The following NRG1 variants were observed in gnomAD, a reference collection of about 807,000 sequenced individuals.
NRG1 encodes the protein neuregulin 1.
NRG1 carries 18 observed loss-of-function variants against 63.8 expected under a neutral mutation model. The ratio of observed to expected loss-of-function variants is 0.28; its 90% CI spans 0.19 to 0.42. The LOEUF (loss-of-function observed/expected upper bound fraction) is 0.42. Among genes scored for constraint, NRG1 ranks in the 10% least tolerant of loss-of-function variants. The pLI, the probability that NRG1 is intolerant of heterozygous loss-of-function variation, is 1.00. For synonymous variants in NRG1, 302 were observed against 301.3 expected (o/e 1.00, Z -0.02); for missense variants, 762 against 814.7 (o/e 0.94, Z 0.79).
At chr8:31,774,684 CT>C (rs1448803116) in intron 1 of NRG1, among the ~76,000 whole-genome samples, 1 of 152,104 alleles carries the variant, frequency 6.6e-6, no homozygotes, top group Non-Finnish European at 1.5e-5. Context: ...TTTGCAGAAG[CT>C]TTTTATTTAA....
chr8:31,758,406 A>T (rs1336975336), intron 1 of NRG1, among the ~76,000 whole-genome samples: 1 of 152,192 alleles, frequency 6.6e-6, no homozygotes, highest in African/African-American at 2.4e-5. Context: ...CTATAAAGAC[A>T]CATGCACATG....
chr8:32,264,596 A>G (rs1850720883), intron 1 of NRG1, among the ~76,000 whole-genome samples: 1 of 152,234 alleles, frequency 6.6e-6, no homozygotes, highest in Admixed American at 6.5e-5. Context: ...TTGTTTGTAT[A>G]GCAAAGGTCT....
At chr8:32,287,504 T>C (rs1853671619) in intron 1 of NRG1, 1 of 152,238 alleles carries the variant, frequency 6.6e-6, no homozygotes, top group Non-Finnish European at 1.5e-5. Context: ...CTCAGTCATC[T>C]TTCATGTATC....
At chr8:32,733,823 G>A (rs991836541) in intron 6 of NRG1, among the ~76,000 whole-genome samples, 2 of 152,148 alleles carry the variant, frequency 1.3e-5, no homozygotes, top group African/African-American at 4.8e-5. Flanking sequence ...GGAAAGAAAA[G>A]ACTGAAATAA....
At chr8:32,489,282 T>G (rs1826261881) in intron 1 of NRG1, among the ~76,000 whole-genome samples, 2 of 152,194 alleles carry the variant, frequency 1.3e-5, no homozygotes, top group Admixed American at 1.3e-4. Flanking sequence ...CAGAAAGTCA[T>G]GTACCAGTTA....
At chr8:32,385,400 T>G (rs751000004) in intron 1 of NRG1, among the ~76,000 whole-genome samples, 1 of 152,110 alleles carries the variant, frequency 6.6e-6, no homozygotes, top group Non-Finnish European at 1.5e-5. Flanking sequence ...CCTAGTGTAT[T>G]CATTCATTCT....
chr8:31,712,934 G>GAATC lies in NRG1; in HGVS notation c.37+73525_37+73528dup, dbSNP rs372473636. ...CTTCTTCAATCTGTCTGTCTATTAT[G>GAATC]AATCAATCAATCAATCAATCAATCA... On this transcript the variant is annotated intron_variant, in intron 1 of 10. Transcript: ENST00000519301. Among the ~76,000 whole-genome samples the GAATC allele has an allele frequency of 4.2e-4, 63 of 151,288 alleles. 1 individual carries two copies. In the East Asian group the frequency reaches 5.7e-3, roughly 14 times the overall value.
At chr8:31,759,325 GATATA>G (rs1318091415) in intron 1 of NRG1, among the ~76,000 whole-genome samples, 1 of 151,930 alleles carries the variant, frequency 6.6e-6, no homozygotes, top group Non-Finnish European at 1.5e-5. Context: ...TCAAGTTTAT[GATATA>G]ATCTCTTTTT....
intron 1 of NRG1, among the ~76,000 whole-genome samples, chr8:32,079,137 G>A (rs1827049914): frequency 7.9e-6 from 1 of 126,564 alleles, no homozygotes; most frequent in African/African-American, 2.8e-5. Context: ...GTTTATGCAT[G>A]TAGAATGAAA....
At chr8:32,142,360 A>C (rs1836381355) in intron 1 of NRG1, among the ~76,000 whole-genome samples, 1 of 152,182 alleles carries the variant, frequency 6.6e-6, no homozygotes, top group Admixed American at 6.5e-5. Flanking sequence ...TAACTTTGCT[A>C]TGCTGATTTT....
At chr8:32,297,390 C>T (rs888770421) in intron 1 of NRG1, among the ~76,000 whole-genome samples, 2 of 151,734 alleles carry the variant, frequency 1.3e-5, no homozygotes, top group African/African-American at 4.8e-5. Context: ...TTTATCAATG[C>T]AGTTTATTCT....
At chr8:32,648,433 T>C (rs759481191) in intron 5 of NRG1, 3 of 1,585,952 alleles carry the variant, frequency 1.9e-6, no homozygotes, top group Non-Finnish European at 2.6e-6. Context: ...ATAAAAGGGG[T>C]GGGTTTGAGG....
At chr8:32,272,828 C>T (rs1336532837) in intron 1 of NRG1, among the ~76,000 whole-genome samples, 1 of 152,056 alleles carries the variant, frequency 6.6e-6, no homozygotes, top group Non-Finnish European at 1.5e-5. Flanking sequence ...TGAGTGGTTC[C>T]CAGTAAAATA....
intron 9 of NRG1, among the ~76,000 whole-genome samples, chr8:32,758,015 G>A (rs1243013778): frequency 6.6e-6 from 1 of 152,086 alleles, no homozygotes; most frequent in African/African-American, 2.4e-5. Flanking sequence ...AGATCCACAT[G>A]GAATAGCCTT....
chr8:32,399,730 G>GA (rs1373696187), intron 1 of NRG1, among the ~76,000 whole-genome samples: 1 of 151,968 alleles, frequency 6.6e-6, no homozygotes, highest in Non-Finnish European at 1.5e-5. Context: ...GTGAAAAGTA[G>GA]AAAAAAAGTC....
chr8:32,650,164 A>G (rs1024870456), intron 5 of NRG1, among the ~76,000 whole-genome samples: 25 of 152,246 alleles, frequency 1.6e-4, no homozygotes, highest in Admixed American at 9.8e-4. Flanking sequence ...AAATTATTTT[A>G]TAAAGTAAAT....
intron 1 of NRG1, among the ~76,000 whole-genome samples, chr8:31,718,012 G>T (rs996363749): frequency 1.3e-5 from 2 of 152,124 alleles, no homozygotes; most frequent in Admixed American, 1.3e-4. Flanking sequence ...TAACATGTTT[G>T]ATCTTTTTCT....
At chr8:31,815,415 T>C (rs1324767142) in intron 1 of NRG1, among the ~76,000 whole-genome samples, 1 of 152,170 alleles carries the variant, frequency 6.6e-6, no homozygotes, top group Non-Finnish European at 1.5e-5. Flanking sequence ...TGTTATAGCA[T>C]ATTTCAGGGT....
chr8:32,588,353 A>AAT (rs747003993), intron 1 of NRG1, among the ~76,000 whole-genome samples: 2 of 152,166 alleles, frequency 1.3e-5, no homozygotes, highest in African/African-American at 2.4e-5. Context: ...CCTCAAATCA[A>AAT]ATATCTTAAA....
Sources: gnomAD v4.1 joint callset for allele counts (sites outside exome capture counted in the v4.1 genomes callset) on GRCh38, gnomAD v4.1.1 for gene constraint, MANE v1.5 for transcripts, NCBI Gene and HGNC (gene_info 2026-07-23, HGNC 2026-07-21) for gene names.